Variants in DPP10 observed in about 807,000 individuals in gnomAD.
DPP10 encodes the protein inactive dipeptidyl peptidase 10.
DPP10 carries 33 observed loss-of-function variants against 120.9 expected under a neutral mutation model. The ratio of observed to expected loss-of-function variants is 0.27; its 90% CI spans 0.21 to 0.37. The LOEUF (loss-of-function observed/expected upper bound fraction) is 0.37, where lower values mean the gene tolerates loss of function less well. DPP10 is among the 10% of genes least tolerant of loss of function. The pLI, the probability that DPP10 is intolerant of heterozygous loss-of-function variation, is 1.00. For synonymous variants in DPP10, 337 were observed against 326.1 expected (o/e 1.03, Z -0.36); for missense variants, 816 against 942.8 (o/e 0.87, Z 1.76).
At chr2:114,857,125 A>T (rs1689428525) in intron 1 of DPP10, among the ~76,000 whole-genome samples, 1 of 152,194 alleles carries the variant, frequency 6.6e-6, no homozygotes, top group Non-Finnish European at 1.5e-5. Context: ...CCTGAGTCCA[A>T]ATCCTATCAT....
intron 1 of DPP10, among the ~76,000 whole-genome samples, chr2:114,584,229 G>T (rs1690765400): frequency 6.6e-6 from 1 of 152,122 alleles, no homozygotes. Context: ...GTGCATGTAT[G>T]TGTAGTTTCT....
intron 1 of DPP10, among the ~76,000 whole-genome samples, chr2:114,793,573 A>G (rs536841999): frequency 6.6e-6 from 1 of 152,324 alleles, no homozygotes; most frequent in East Asian, 1.9e-4. Context: ...GTTACTGGGG[A>G]TACAGCAGTG....
At chr2:114,633,803 T>C (rs1197283918) in intron 1 of DPP10, among the ~76,000 whole-genome samples, 2 of 151,514 alleles carry the variant, frequency 1.3e-5, no homozygotes, top group Non-Finnish European at 2.9e-5. Context: ...TTAGTACAGA[T>C]GGGGTTTCCT....
chr2:115,550,317 G>GT (rs1305898034), intron 5 of DPP10, among the ~76,000 whole-genome samples: 2 of 151,868 alleles, frequency 1.3e-5, no homozygotes, highest in African/African-American at 2.4e-5. Flanking sequence ...ATGTAGCTGA[G>GT]TTTTTTTTGT....
chr2:115,754,537 C>T (rs1008559642), intron 11 of DPP10, among the ~76,000 whole-genome samples: 1 of 152,128 alleles, frequency 6.6e-6, no homozygotes, highest in African/African-American at 2.4e-5. Flanking sequence ...CTAGTCTAGA[C>T]ACCTTCTAAT....
At chr2:115,072,530 T>C (rs1573507358) in intron 1 of DPP10, among the ~76,000 whole-genome samples, 2 of 152,182 alleles carry the variant, frequency 1.3e-5, no homozygotes, top group South Asian at 4.1e-4. Flanking sequence ...ATTATGAATC[T>C]ATCTTCAGAA....
At chr2:115,044,460 C>A (rs1704908464) in intron 1 of DPP10, among the ~76,000 whole-genome samples, 2 of 151,852 alleles carry the variant, frequency 1.3e-5, no homozygotes, top group Non-Finnish European at 2.9e-5. Flanking sequence ...GTGTGCTGCA[C>A]CCACTAACTC....
At chr2:115,276,258 T>C (rs1483777291) in intron 1 of DPP10, among the ~76,000 whole-genome samples, 1 of 152,126 alleles carries the variant, frequency 6.6e-6, no homozygotes, top group Non-Finnish European at 1.5e-5. Context: ...TTTAAAGACA[T>C]TGAGAGTTCA....
intron 3 of DPP10, among the ~76,000 whole-genome samples, chr2:115,355,097 C>G (rs991105066): frequency 1.1e-4 from 17 of 152,142 alleles, no homozygotes; most frequent in African/African-American, 3.1e-4. Context: ...AAGGTTATTT[C>G]TGGTTCTAGA....
intron 5 of DPP10, among the ~76,000 whole-genome samples, chr2:115,583,796 A>G (rs2082134803): frequency 6.6e-6 from 1 of 152,206 alleles, no homozygotes; most frequent in Non-Finnish European, 1.5e-5. Context: ...TTCACATTTC[A>G]TGTAGTTCTA....
At chr2:115,563,898 C>CT (rs2149061142) in intron 5 of DPP10, among the ~76,000 whole-genome samples, 1 of 152,250 alleles carries the variant, frequency 6.6e-6, no homozygotes, top group South Asian at 2.1e-4. Flanking sequence ...TAATATGAAG[C>CT]TATTCATCTG....
At chr2:114,753,433 T>C (rs1313593835) in intron 1 of DPP10, among the ~76,000 whole-genome samples, 1 of 152,174 alleles carries the variant, frequency 6.6e-6, no homozygotes, top group Non-Finnish European at 1.5e-5. Flanking sequence ...GTAAGTCTTA[T>C]CTCCAGTGAT....
intron 1 of DPP10, among the ~76,000 whole-genome samples, chr2:114,902,417 C>T (rs540411998): frequency 1.3e-5 from 2 of 152,276 alleles, no homozygotes; most frequent in African/African-American, 2.4e-5. Flanking sequence ...ACTCTGTGAT[C>T]GTTCAGTTGT....
At chr2:115,581,441 C>G (rs1341989940) in intron 5 of DPP10, among the ~76,000 whole-genome samples, 5 of 152,096 alleles carry the variant, frequency 3.3e-5, no homozygotes, top group Non-Finnish European at 7.4e-5. Context: ...GGTCATACAG[C>G]AAAAATGTGG....
At chr2:115,405,680 T>C (rs762369006) in intron 3 of DPP10, among the ~76,000 whole-genome samples, 1 of 152,200 alleles carries the variant, frequency 6.6e-6, no homozygotes, top group Non-Finnish European at 1.5e-5. Context: ...TCTGCCTGCA[T>C]GCGGAATTAG....
At chr2:115,620,469 G>T (rs1025408429) in intron 5 of DPP10, among the ~76,000 whole-genome samples, 5 of 152,132 alleles carry the variant, frequency 3.3e-5, no homozygotes, top group Non-Finnish European at 7.4e-5. Flanking sequence ...CAAAACAAAG[G>T]TCAAATGTTA....
intron 1 of DPP10, among the ~76,000 whole-genome samples, chr2:114,725,691 A>G (rs955117414): frequency 5.6e-4 from 86 of 152,342 alleles, no homozygotes; most frequent in African/African-American, 2.0e-3. Flanking sequence ...ATAGTCCCCT[A>G]GAATAGATGT....
intron 17 of DPP10, among the ~76,000 whole-genome samples, chr2:115,789,520 T>G (rs969096593): frequency 2.0e-5 from 3 of 152,200 alleles, no homozygotes; most frequent in African/African-American, 7.2e-5. Context: ...GACATCATGC[T>G]TAATGGTGAA....
intron 3 of DPP10, among the ~76,000 whole-genome samples, chr2:115,402,875 ATGTGTGTGTGTGTG>A (rs1553584409): frequency 3.2e-5 from 4 of 125,244 alleles, no homozygotes; most frequent in African/African-American, 1.3e-4. Context: ...ATATATATAT[ATGTGTGTGTGTGTG>A]TGTATATATA....
Sources: allele counts gnomAD v4.1 joint callset (sites outside exome capture counted in the v4.1 genomes callset), GRCh38; gene constraint gnomAD v4.1.1; transcripts MANE v1.5; gene names NCBI Gene and HGNC (gene_info 2026-07-23, HGNC 2026-07-21).